GGA2: variants seen among roughly 807,000 people sequenced by gnomAD.
GGA2 encodes the protein golgi associated, gamma adaptin ear containing, ARF binding protein 2, also known as ADP-ribosylation factor-binding protein GGA2.
A neutral mutation model predicts 79.5 loss-of-function variants in GGA2; 48 were observed. The observed-to-expected ratio is 0.60, with a 90% CI of 0.48 to 0.77. The LOEUF (loss-of-function observed/expected upper bound fraction) is 0.77, where lower values mean the gene tolerates loss of function less well. Among genes scored for constraint, GGA2 ranks in the 30% least tolerant of loss-of-function variants. GGA2 has a pLI of 0.00. For missense variants in GGA2, 770 were observed against 774.0 expected, an observed-to-expected ratio of 0.99 and a Z score of 0.06; for synonymous variants, 317 against 302.0, an observed-to-expected ratio of 1.05 and a Z score of -0.51.
chr16:23,473,234 T>A (rs1964535873), intron 14 of GGA2, among the ~76,000 whole-genome samples: 1 of 150,924 alleles, frequency 6.6e-6, no homozygotes, highest in Non-Finnish European at 1.5e-5. Flanking sequence ...TGTATGTACA[T>A]ATATATGTAT....
chr16:23,495,640 C>T (rs1010708545), intron 2 of GGA2, 54 bp downstream of exon 2: 10 of 1,003,338 alleles, frequency 1.0e-5, no homozygotes, highest in Admixed American at 5.5e-5. Flanking sequence ...CAAAGGCCTA[C>T]ACTCAGTGTG....
chr16:23,471,597 C>T (rs373275019), intron 14 of GGA2, among the ~76,000 whole-genome samples: 3 of 152,102 alleles, frequency 2.0e-5, no homozygotes, highest in Admixed American at 6.6e-5. Context: ...TCAAAATATA[C>T]ATTACTAAAA....
Position 23,510,332 on chromosome 16 carries a change from TC to T in GGA2, c.79del (p.Glu27SerfsTer27). 1 of 1,436,114 alleles carries T rather than the reference TC, an allele frequency of 7.0e-7. No homozygotes were observed. Among genetic ancestry groups the T allele is most frequent in the Non-Finnish European group, 9.1e-7 (1 of 1,095,340 alleles). 89.0% of individuals were successfully genotyped at this position (1,436,114 alleles called of 1,614,324 possible). On this transcript the variant is annotated frameshift_variant, in exon 1 of 17. Transcript: ENST00000309859. LOFTEE classifies it high-confidence loss of function. ...GCCAGGCTACTCACTGAGCCACAGC[TC>T]CAGCGACGCTGCCGGGCCCGGGGGA... ...QGPPGPAASL[E>X]LWLNKATDPS...
intron 1 of GGA2, 126 bp downstream of exon 1, chr16:23,510,195 C>G: frequency 2.1e-6 from 1 of 476,784 alleles, no homozygotes; most frequent in African/African-American, 2.0e-5. Context: ...GCGCCGGGCC[C>G]AGGCCCCCTA....
upstream of GGA2, chr16:23,510,622 T>C (rs973563020): frequency 5.3e-6 from 2 of 377,452 alleles, no homozygotes; most frequent in African/African-American, 4.2e-5. Flanking sequence ...GCTGGTCTTC[T>C]AAGACCACTC....
At chr16:23,491,239 C>T (rs999073490) in intron 5 of GGA2, among the ~76,000 whole-genome samples, 5 of 135,494 alleles carry the variant, frequency 3.7e-5, no homozygotes, top group African/African-American at 1.1e-4. Context: ...TCCAGAAGGT[C>T]GAGGCTACAG....
intron 1 of GGA2, among the ~76,000 whole-genome samples, chr16:23,507,182 C>T (rs1000210905): frequency 2.6e-5 from 4 of 152,132 alleles, no homozygotes; most frequent in African/African-American, 9.7e-5. Context: ...AAATTATGGG[C>T]CAAAGTAGGC....
upstream of GGA2, among the ~76,000 whole-genome samples, chr16:23,510,906 C>CGTGTGTGT (rs150030103): frequency 5.1e-4 from 25 of 49,064 alleles, 1 homozygote; most frequent in African/African-American, 1.0e-3. Context: ...TGGGTTTCAC[C>CGTGTGTGT]GTGTGTGTGT....
At chr16:23,486,285 A>C (rs1194257973) in intron 7 of GGA2, 133 bp from the exon 8 acceptor site, 2 of 747,742 alleles carry the variant, frequency 2.7e-6, no homozygotes, top group Non-Finnish European at 4.4e-6. Flanking sequence ...GCATGGGAGA[A>C]CTCACACAGT....
At chr16:23,485,783 A>T (rs1964703834) in intron 8 of GGA2, among the ~76,000 whole-genome samples, 1 of 152,216 alleles carries the variant, frequency 6.6e-6, no homozygotes, top group South Asian at 2.1e-4. Flanking sequence ...CATTTATACA[A>T]GAGTCTGGGA....
At chr16:23,496,050 G>A (rs1271068408) in intron 1 of GGA2, among the ~76,000 whole-genome samples, 1 of 151,872 alleles carries the variant, frequency 6.6e-6, no homozygotes, top group East Asian at 1.9e-4. Flanking sequence ...CTGTAATCCC[G>A]GCATTTTGGG....
intron 1 of GGA2, chr16:23,501,177 T>C (rs1158351402): frequency 1.1e-5 from 5 of 445,386 alleles, no homozygotes; most frequent in Admixed American, 2.5e-5. Flanking sequence ...CAGACATTTC[T>C]GTACTCTTTT....
intron 1 of GGA2, among the ~76,000 whole-genome samples, chr16:23,498,425 C>T (rs910012255): frequency 3.3e-5 from 5 of 151,738 alleles, no homozygotes; most frequent in African/African-American, 1.2e-4. Flanking sequence ...GAGACCCCGT[C>T]TCAAAAATAA....
At chr16:23,479,649 C>T in intron 11 of GGA2, 116 bp downstream of exon 11, 3 of 1,218,632 alleles carry the variant, frequency 2.5e-6, no homozygotes, top group Non-Finnish European at 2.3e-6. Context: ...CTCACTCTTC[C>T]TATTCACAAC....
chr16:23,483,452 G>A (rs1028658195), intron 8 of GGA2, among the ~76,000 whole-genome samples: 1 of 152,160 alleles, frequency 6.6e-6, no homozygotes, highest in African/African-American at 2.4e-5. Flanking sequence ...TGAAGTGGAA[G>A]GACAGGTAAA....
upstream of GGA2, among the ~76,000 whole-genome samples, chr16:23,514,202 T>A (rs1413023778): frequency 1.3e-5 from 2 of 151,128 alleles, no homozygotes; most frequent in African/African-American, 4.9e-5. Context: ...GCCTCCCAGG[T>A]TCAATTGATT....
intron 11 of GGA2, among the ~76,000 whole-genome samples, chr16:23,479,542 C>T (rs1048747547): frequency 6.6e-6 from 1 of 151,872 alleles, no homozygotes; most frequent in African/African-American, 2.4e-5. Flanking sequence ...ACTTGCTCAG[C>T]AGCAGACACG....
intron 15 of GGA2, 43 bp from the exon 16 acceptor site, chr16:23,469,039 C>A: frequency 1.7e-6 from 2 of 1,198,042 alleles, no homozygotes; most frequent in Non-Finnish European, 2.5e-6. Flanking sequence ...TTCCTAACCA[C>A]AGCTTCTAGG....
At chr16:23,524,231 T>C (rs1018598540), upstream of GGA2, 39 of 749,416 alleles carry the variant, frequency 5.2e-5, 1 homozygote, top group South Asian at 4.2e-4. Context: ...AATGCACTTG[T>C]GTGCAGTCAG....
Sources: allele counts gnomAD v4.1 joint callset (sites outside exome capture counted in the v4.1 genomes callset), GRCh38; gene constraint gnomAD v4.1.1; transcripts MANE v1.5; gene names NCBI Gene and HGNC (gene_info 2026-07-23, HGNC 2026-07-21).